SV2B: variants seen among roughly 807,000 people sequenced by gnomAD.
The protein encoded by SV2B is synaptic vesicle glycoprotein 2B.
In SV2B, 41 loss-of-function variants were observed where a neutral mutation model predicts 73.9. That is an observed-to-expected ratio of 0.56 (90% confidence interval 0.43 to 0.72). The LOEUF is 0.72. Among genes scored for constraint, SV2B ranks in the 30% least tolerant of loss-of-function variants. The probability of loss-of-function intolerance (pLI) is 0.00; values close to 1 mark genes in which losing one functional copy is unlikely to be tolerated. For synonymous variants in SV2B, 314 were observed against 314.2 expected, an observed-to-expected ratio of 1.00 and a Z score of 0.01; for missense variants, 764 against 857.8, an observed-to-expected ratio of 0.89 and a Z score of 1.37.
intron 2 of SV2B, among the ~76,000 whole-genome samples, chr15:91,248,928 G>T (rs984704084): frequency 2.5e-4 from 38 of 152,140 alleles, no homozygotes; most frequent in African/African-American, 9.2e-4. Flanking sequence ...GTGGAGACTA[G>T]TTCTCAGCAA....
chr15:91,204,556 CTTTTT>C (rs568973449), intron 1 of SV2B, among the ~76,000 whole-genome samples: 1 of 127,812 alleles, frequency 7.8e-6, no homozygotes, highest in Admixed American at 7.8e-5. Context: ...TCTTCTTCTT[CTTTTT>C]TTTTTTTTTT....
At chr15:91,153,426 C>A (rs1444376661) in intron 1 of SV2B, among the ~76,000 whole-genome samples, 1 of 152,144 alleles carries the variant, frequency 6.6e-6, no homozygotes, top group Non-Finnish European at 1.5e-5. Context: ...CAGGTGCCAC[C>A]ACGTTTTAGG....
chr15:91,161,756 T>A (rs2043726476), intron 1 of SV2B, among the ~76,000 whole-genome samples: 1 of 152,236 alleles, frequency 6.6e-6, no homozygotes, highest in Non-Finnish European at 1.5e-5. Context: ...TTTTCTCCAC[T>A]CTGCCTATAG....
rs1248027185 is a variant in SV2B at position 91,137,998 on chromosome 15, T to C, written c.-392+37635T>C. ...GAAAAAACAGTGACAGAATTGGAAT[T>C]CTGTAATCTGAATTACAGGGTCTAG... On this transcript the variant is annotated intron_variant, in intron 1 of 12. Transcript: ENST00000394232. The surrounding 1 kb of genome is among the most constrained non-coding windows in gnomAD (Gnocchi z 4.9). Among the ~76,000 whole-genome samples the C allele has an allele frequency of 1.3e-5, 2 of 152,190 alleles. No individual in the cohort carries two copies. The highest frequency in any genetic ancestry group is 2.9e-5 in the Non-Finnish European group (2 of 68,038).
rs2049008012 is a variant in SV2B, at chr15:91,290,585, T to A, written c.1868+905T>A. ...TAATAAAACGAAATTATGTATAGGT[T>A]TTAAAATATATCGAAAAAGTTAAAG... On this transcript the variant is annotated intron_variant, in intron 12 of 12. Coordinates refer to ENST00000394232, the MANE Select transcript of SV2B (RefSeq NM_001323032.3). The surrounding 1 kb of genome is among the most constrained non-coding windows in gnomAD (Gnocchi z 4.7). Among the ~76,000 whole-genome samples, 1 of 152,202 alleles carries A rather than the reference T, an allele frequency of 6.6e-6. No homozygotes were observed. The highest frequency in any genetic ancestry group is 1.5e-5 in the Non-Finnish European group (1 of 68,042).
intron 1 of SV2B, among the ~76,000 whole-genome samples, chr15:91,211,633 A>G (rs1260624608): frequency 6.6e-6 from 1 of 150,892 alleles, no homozygotes; most frequent in East Asian, 2.0e-4. Context: ...CCTCCTGAGT[A>G]GCTGGAATTA....
chr15:91,205,167 C>T (rs183542570), intron 1 of SV2B, among the ~76,000 whole-genome samples: 27 of 152,248 alleles, frequency 1.8e-4, no homozygotes, highest in African/African-American at 6.5e-4. Flanking sequence ...GTAAAATGCA[C>T]GTGATTCCTT....
intron 1 of SV2B, among the ~76,000 whole-genome samples, chr15:91,152,325 G>A (rs1208518533): frequency 3.3e-5 from 5 of 152,172 alleles, no homozygotes; most frequent in Non-Finnish European, 7.3e-5. Flanking sequence ...ATGGTGTTTG[G>A]AGGAGCTGGG....
In SV2B at chr15:91,267,727, C is replaced by A; in HGVS notation, c.1208+84C>A. 8.7e-7 allele frequency: 1 copy of A among 1,147,282 alleles called. No individual in the cohort carries two copies. Among genetic ancestry groups the A allele is most frequent in the Non-Finnish European group, 1.3e-6 (1 of 778,330 alleles). 71.1% of individuals were successfully genotyped at this position (1,147,282 alleles called of 1,614,324 possible). A position where few individuals can be genotyped will look rare whatever the true frequency, so the allele number is the denominator to read the frequency against. ...CATTGAGGATTACAGTGAGTTCTGA[C>A]TTAGAATTTGTATCAGGTAGGATGC... On this transcript the variant is annotated intron_variant, in intron 8 of 12. Transcript: ENST00000394232. The surrounding 1 kb of genome is among the most constrained non-coding windows in gnomAD (Gnocchi z 4.3).
In SV2B at chr15:91,245,453, G is replaced by A. The variant is rs2047184873; in HGVS notation, c.452-6366G>A. On this transcript the variant is annotated intron_variant, in intron 2 of 12. Transcript: ENST00000394232. This position sits in a 1 kb window ranked among gnomAD's most constrained non-coding sequence, Gnocchi z 4.2. ...CAATACAAATACAAAAATAAAGCCT[G>A]CTGACAACAGCTGTCTCTGAGTGGT... 6.6e-6 allele frequency among the ~76,000 whole-genome samples: 1 copy of A among 152,150 alleles called. No homozygotes were observed. Among genetic ancestry groups the A allele is most frequent in the South Asian group, 2.1e-4 (1 of 4,830 alleles).
intron 9 of SV2B, among the ~76,000 whole-genome samples, chr15:91,271,549 A>G (rs2048317715): frequency 6.6e-6 from 1 of 152,192 alleles, no homozygotes; most frequent in African/African-American, 2.4e-5. Flanking sequence ...TAATGAGTTC[A>G]TTGTAACTTT....
rs916347251 is a variant in SV2B, at chr15:91,223,352, G to A, written c.-391-2521G>A. 2.0e-5 allele frequency among the ~76,000 whole-genome samples: 3 copies of A among 152,200 alleles called. No individual in the cohort carries two copies. Among genetic ancestry groups the A allele is most frequent in the Non-Finnish European group, 4.4e-5 (3 of 68,030 alleles). ...ATAGTTGTGTTTCTTAAATGAAATA[G>A]AAATGAACACTCACTGGACAGTGAT... On this transcript the variant is annotated intron_variant, in intron 1 of 12. Transcript: ENST00000394232. This position sits in a 1 kb window ranked among gnomAD's most constrained non-coding sequence, Gnocchi z 4.6.
At position 91,297,046 on chromosome 15, in the gene SV2B, G is replaced by A. The variant is rs2049277287; in HGVS notation, c.*4494G>A. 6.6e-6 allele frequency: 1 copy of A among 151,790 alleles called. No homozygotes were observed. The highest frequency in any genetic ancestry group is 6.7e-5 in the Admixed American group (1 of 15,018). The allele number at this position is 151,790 out of a possible 1,614,324, so 9.4% of individuals were successfully genotyped here. A position where few individuals can be genotyped will look rare whatever the true frequency, so the allele number is the denominator to read the frequency against. On this transcript the variant is annotated 3_prime_UTR_variant, in exon 13 of 13. Transcript: ENST00000394232. The surrounding 1 kb of genome is among the most constrained non-coding windows in gnomAD (Gnocchi z 5.1). ...CGCACGCTTCTTCTGCCTGATCGTT[G>A]GGCGCACGCTCCTTCTGCCTGATCG...
intron 1 of SV2B, among the ~76,000 whole-genome samples, chr15:91,120,130 G>C (rs2042290128): frequency 6.6e-6 from 1 of 152,178 alleles, no homozygotes; most frequent in African/African-American, 2.4e-5. Context: ...TCACACTGCT[G>C]TAAAAGACTA....
chr15:91,165,503 A>C (rs1368378475), intron 1 of SV2B, among the ~76,000 whole-genome samples: 2 of 152,222 alleles, frequency 1.3e-5, no homozygotes, highest in Non-Finnish European at 2.9e-5. Flanking sequence ...CAGGCTGTGC[A>C]TAGGTTATAT....
At position 91,227,942 on chromosome 15, in the gene SV2B, A is replaced by G. The variant is rs1310982685; in HGVS notation, c.451+1228A>G. Among the ~76,000 whole-genome samples, 1 of 152,208 alleles carries G rather than the reference A, an allele frequency of 6.6e-6. No homozygotes were observed. Among genetic ancestry groups the G allele is most frequent in the African/African-American group, 2.4e-5 (1 of 41,454 alleles). On this transcript the variant is annotated intron_variant, in intron 2 of 12. Coordinates refer to ENST00000394232, the MANE Select transcript of SV2B (RefSeq NM_001323032.3). The surrounding 1 kb of genome is among the most constrained non-coding windows in gnomAD (Gnocchi z 4.5). ...TCTGTCACAATCACTCAACTCTGTCACTGTAGCACAATAGCAGCTTTGAAC... is the reference window on the plus strand; with the variant it reads ...TCTGTCACAATCACTCAACTCTGTCGCTGTAGCACAATAGCAGCTTTGAAC...
chr15:91,120,467 C>T (rs1014623212), intron 1 of SV2B, among the ~76,000 whole-genome samples: 7 of 152,116 alleles, frequency 4.6e-5, no homozygotes, highest in Non-Finnish European at 7.4e-5. Context: ...TGGGTGGGGA[C>T]ATGGAGCCAA....
intron 1 of SV2B, among the ~76,000 whole-genome samples, chr15:91,194,282 T>C (rs557772223): frequency 7.2e-5 from 11 of 152,258 alleles, no homozygotes; most frequent in African/African-American, 2.6e-4. Context: ...CTCCCTCGGC[T>C]CTGCCCTGTA....
At chr15:91,146,354 G>A (rs1386282713) in intron 1 of SV2B, among the ~76,000 whole-genome samples, 1 of 152,172 alleles carries the variant, frequency 6.6e-6, no homozygotes, top group African/African-American at 2.4e-5. Flanking sequence ...CTGTAGCCTT[G>A]TAGTATGGTT....
Sources: allele counts gnomAD v4.1 joint callset (sites outside exome capture counted in the v4.1 genomes callset), GRCh38; gene constraint gnomAD v4.1.1; non-coding constraint Gnocchi (gnomAD v3.1); transcripts MANE v1.5; gene names NCBI Gene and HGNC (gene_info 2026-07-23, HGNC 2026-07-21).